Variants in ADGRB3 observed in about 807,000 individuals in gnomAD.
ADGRB3 encodes the protein brain-specific angiogenesis inhibitor 3.
Under a neutral mutation model 193.4 loss-of-function variants are expected in ADGRB3, and 37 were observed. The observed-to-expected ratio is 0.19, with a 90% CI of 0.15 to 0.25. The LOEUF is 0.25. Ranked by LOEUF, ADGRB3 falls within the 10% of genes least tolerant of loss-of-function variation. The pLI, the probability that ADGRB3 is intolerant of heterozygous loss-of-function variation, is 1.00. For missense variants in ADGRB3, 1,637 were observed against 1,852.9 expected, an observed-to-expected ratio of 0.88 and a Z score of 2.14; for synonymous variants, 690 against 644.2, an observed-to-expected ratio of 1.07 and a Z score of -1.08.
intron 26 of ADGRB3, among the ~76,000 whole-genome samples, chr6:69,347,232 A>G (rs1246668913): frequency 1.3e-5 from 2 of 152,122 alleles, no homozygotes; most frequent in South Asian, 2.1e-4. Context: ...GGGGAGGGAT[A>G]GCATTAGGAG....
chr6:68,742,254 G>A (rs776279055), intron 3 of ADGRB3, among the ~76,000 whole-genome samples: 2 of 151,954 alleles, frequency 1.3e-5, no homozygotes, highest in African/African-American at 2.4e-5. Flanking sequence ...AGCATATATT[G>A]TAATTCTTCC....
At position 69,232,395 on chromosome 6, in the gene ADGRB3, G is replaced by A. The variant is rs1766163236; in HGVS notation, c.2481-895G>A. On this transcript the variant is annotated intron_variant, in intron 17 of 31. Coordinates refer to ENST00000370598, the MANE Select transcript of ADGRB3 (RefSeq NM_001704.3). The stretch of plus-strand genomic sequence containing the variant: ...CCATTTTTATTGTTCTGCTGGGGTG[G>A]GAAATAAACCATATGCTTTAGCATT... The A allele has an allele frequency of 4.9e-6, 7 of 1,423,688 alleles. No homozygotes were observed. In the South Asian group the frequency reaches 1.1e-4, roughly 22 times the overall value. 88.2% of individuals were successfully genotyped at this position (1,423,688 alleles called of 1,614,324 possible).
At chr6:69,004,503 T>G (rs1271832606) in intron 11 of ADGRB3, among the ~76,000 whole-genome samples, 1 of 151,936 alleles carries the variant, frequency 6.6e-6, no homozygotes. Flanking sequence ...CATGTTGGTG[T>G]GCTGCACCCA....
chr6:69,051,678 G>C (rs1024903870), intron 15 of ADGRB3, among the ~76,000 whole-genome samples: 17 of 152,262 alleles, frequency 1.1e-4, no homozygotes, highest in Admixed American at 1.1e-3. Context: ...CATTCTTCCA[G>C]AAAGTCTAAT....
chr6:68,661,212 A>T (rs1287962632), intron 3 of ADGRB3, among the ~76,000 whole-genome samples: 1 of 148,794 alleles, frequency 6.7e-6, no homozygotes, highest in African/African-American at 2.4e-5. Flanking sequence ...TAGGGAATAT[A>T]TTTAATAAAT....
intron 3 of ADGRB3, among the ~76,000 whole-genome samples, chr6:68,730,542 A>C (rs1407571062): frequency 2.0e-5 from 3 of 151,668 alleles, no homozygotes; most frequent in African/African-American, 7.2e-5. Context: ...ACACGGATAA[A>C]TTCATATGCA....
At chr6:68,763,348 C>A (rs1348816565) in intron 3 of ADGRB3, among the ~76,000 whole-genome samples, 10 of 152,194 alleles carry the variant, frequency 6.6e-5, no homozygotes, top group African/African-American at 2.4e-4. Context: ...CCTTGGCCTC[C>A]CAAAGTGCTG....
At chr6:69,112,984 C>A (rs937289552) in intron 17 of ADGRB3, among the ~76,000 whole-genome samples, 1 of 152,158 alleles carries the variant, frequency 6.6e-6, no homozygotes, top group African/African-American at 2.4e-5. Flanking sequence ...TCTAGAACTC[C>A]TGACATCAGG....
At chr6:69,175,261 G>C (rs1775389404) in intron 17 of ADGRB3, among the ~76,000 whole-genome samples, 1 of 151,876 alleles carries the variant, frequency 6.6e-6, no homozygotes, top group African/African-American at 2.4e-5. Context: ...AAGACTTCTA[G>C]AAGAATTTAG....
rs555886380 is a variant in ADGRB3, at chr6:69,264,151, T to C, written c.2814+24925T>C. ...ACACTAGGAGAAAACTATATCCAATTAAAATTTCTTGAAAAAGACAATTTA... is the reference window on the plus strand; with the variant it reads ...ACACTAGGAGAAAACTATATCCAATCAAAATTTCTTGAAAAAGACAATTTA... On this transcript the variant is annotated intron_variant, in intron 20 of 31. Transcript: ENST00000370598. 7.2e-5 allele frequency among the ~76,000 whole-genome samples: 11 copies of C among 152,060 alleles called. No individual in the cohort carries two copies. The East Asian group carries it at 2.1e-3, about 29-fold the overall frequency.
chr6:69,232,274 T>C lies in ADGRB3; in HGVS notation c.2481-1016T>C. On this transcript the variant is annotated intron_variant, in intron 17 of 31. Transcript: ENST00000370598. ...GATTGGTTGAGCTCTATAGCATTTTTTTTTTTTCTTTTTCTCTCTTCCTGT... is the reference window on the plus strand; with the variant it reads ...GATTGGTTGAGCTCTATAGCATTTTCTTTTTTTCTTTTTCTCTCTTCCTGT... The C allele has an allele frequency of 1.1e-5, 6 of 556,658 alleles. No homozygotes were observed. The South Asian group carries it at 2.4e-4, about 22-fold the overall frequency. The allele number at this position is 556,658 out of a possible 1,614,324, so 34.5% of individuals were successfully genotyped here. A position where few individuals can be genotyped will look rare whatever the true frequency, so the allele number is the denominator to read the frequency against.
chr6:69,137,942 T>C (rs1354219334), intron 17 of ADGRB3, among the ~76,000 whole-genome samples: 3 of 152,220 alleles, frequency 2.0e-5, no homozygotes, highest in Non-Finnish European at 4.4e-5. Flanking sequence ...AGCAACTCAG[T>C]TGATAAACAT....
At chr6:69,336,368 A>G (rs1768847115) in intron 24 of ADGRB3, among the ~76,000 whole-genome samples, 1 of 151,334 alleles carries the variant, frequency 6.6e-6, no homozygotes, top group Admixed American at 6.6e-5. Context: ...CCTGAAACTA[A>G]GGAAACTATG....
chr6:68,707,603 A>T lies in ADGRB3; in HGVS notation c.757+68171A>T, dbSNP rs540749209. ...AAATACAGTTTTCTGTATTTGTGAGATTAATTGAATAATTATACTTATAAA... is the reference window on the plus strand; with the variant it reads ...AAATACAGTTTTCTGTATTTGTGAGTTTAATTGAATAATTATACTTATAAA... On this transcript the variant is annotated intron_variant, in intron 3 of 31. Transcript: ENST00000370598. Among the ~76,000 whole-genome samples the T allele has an allele frequency of 2.5e-3, 388 of 152,282 alleles. 2 individuals are homozygous for T. The highest frequency in any genetic ancestry group is 8.2e-3 in the African/African-American group (340 of 41,562).
chr6:69,323,329 G>A (rs1381513218), intron 20 of ADGRB3, among the ~76,000 whole-genome samples: 1 of 151,884 alleles, frequency 6.6e-6, no homozygotes, highest in Non-Finnish European at 1.5e-5. Flanking sequence ...GAATTCAAAT[G>A]GATTGGTGAC....
At chr6:69,187,889 A>G (rs1349089132) in intron 17 of ADGRB3, among the ~76,000 whole-genome samples, 1 of 152,168 alleles carries the variant, frequency 6.6e-6, no homozygotes, top group African/African-American at 2.4e-5. Context: ...AGATAGTTCT[A>G]AAATCAGCAA....
intron 11 of ADGRB3, among the ~76,000 whole-genome samples, chr6:68,997,011 G>A (rs1242971466): frequency 2.6e-5 from 4 of 152,088 alleles, no homozygotes; most frequent in Non-Finnish European, 1.5e-5. Context: ...TAAAATTAAA[G>A]GGAATATATT....
At chr6:69,187,393 A>G (rs1056296642) in intron 17 of ADGRB3, among the ~76,000 whole-genome samples, 2 of 152,166 alleles carry the variant, frequency 1.3e-5, no homozygotes, top group Non-Finnish European at 2.9e-5. Flanking sequence ...CTGGTGATGC[A>G]CTAAAATTAC....
At chr6:69,186,905 C>T (rs1011213330) in intron 17 of ADGRB3, among the ~76,000 whole-genome samples, 9 of 150,532 alleles carry the variant, frequency 6.0e-5, no homozygotes, top group African/African-American at 2.2e-4. Flanking sequence ...GAGGTAAAAT[C>T]CTCTGTATAG....
Sources: gnomAD v4.1 joint callset for allele counts (sites outside exome capture counted in the v4.1 genomes callset) on GRCh38, gnomAD v4.1.1 for gene constraint, MANE v1.5 for transcripts, NCBI Gene and HGNC (gene_info 2026-07-23, HGNC 2026-07-21) for gene names.